GABBR1: variants seen among roughly 807,000 people sequenced by gnomAD.
The protein encoded by GABBR1 is GABA-B receptor, R1 subunit.
A neutral mutation model predicts 117.7 loss-of-function variants in GABBR1; 35 were observed. The observed-to-expected ratio is 0.30, with a 90% CI of 0.23 to 0.39. GABBR1 has a LOEUF of 0.39. Among genes scored for constraint, GABBR1 ranks in the 10% least tolerant of loss-of-function variants. The pLI, the probability that GABBR1 is intolerant of heterozygous loss-of-function variation, is 1.00. For missense variants in GABBR1, 709 were observed against 1,241.8 expected (o/e 0.57, Z 6.45); for synonymous variants, 442 against 486.6 (o/e 0.91, Z 1.21).
At position 29,606,726 on chromosome 6, in the gene GABBR1, T is replaced by C; in HGVS notation, c.2217+171A>G. 1 of 645,662 alleles carries C rather than the reference T, an allele frequency of 1.5e-6. No homozygotes were observed. The highest frequency in any genetic ancestry group is 1.9e-5 in the South Asian group (1 of 51,534). The allele number at this position is 645,662 out of a possible 1,614,324, so 40.0% of individuals were successfully genotyped here. ...CCACCCCTTCCTTTCTTCAGCTGAA[T>C]CTGGAGGCCTATGAGGGGCTCCTTC... is the stretch of plus-strand genomic sequence containing the variant. On this transcript the variant is annotated intron_variant, in intron 18 of 22. Coordinates refer to ENST00000377034, the MANE Select transcript of GABBR1 (RefSeq NM_001470.4). The surrounding 1 kb of genome is among the most constrained non-coding windows in gnomAD (Gnocchi z 4.5).
rs940796653 is a variant in GABBR1, at chr6:29,605,968, G to A, written c.2312-272C>T. ...CAGGCAAGGGCTTGTTGAATATCTA[G>A]AAATAGGCCAGTCTGGGCCACACAT... On this transcript the variant is annotated intron_variant, in intron 19 of 22. Transcript: ENST00000377034. This position sits in a 1 kb window ranked among gnomAD's most constrained non-coding sequence, Gnocchi z 4.2. The A allele has an allele frequency of 3.6e-6, 2 of 560,454 alleles. No individual in the cohort carries two copies. The highest frequency in any genetic ancestry group is 6.4e-6 in the Non-Finnish European group (2 of 314,002). 34.7% of individuals were successfully genotyped at this position (560,454 alleles called of 1,614,324 possible). A position where few individuals can be genotyped will look rare whatever the true frequency, so the allele number is the denominator to read the frequency against.
In GABBR1 at chr6:29,623,876, A is replaced by G. The variant is rs1764007242; in HGVS notation, c.792+14T>C. The G allele has an allele frequency of 1.2e-6, 2 of 1,611,462 alleles. No homozygotes were observed. The highest frequency in any genetic ancestry group is 1.1e-5 in the South Asian group (1 of 90,872). On this transcript the variant is annotated intron_variant, in intron 7 of 22. Transcript: ENST00000377034. This position sits in a 1 kb window ranked among gnomAD's most constrained non-coding sequence, Gnocchi z 6.2. Reference sequence around the variant, plus strand: ...GGAATGACCCCATCTTCTGACCCCCATAGCCCTGCTTACCACAATGAGGTT... The same window carrying G: ...GGAATGACCCCATCTTCTGACCCCCGTAGCCCTGCTTACCACAATGAGGTT...
intron 5 of GABBR1, chr6:29,628,191 AGGGGAGG>A: frequency 5.6e-6 from 1 of 177,884 alleles, no homozygotes; most frequent in Non-Finnish European, 6.3e-6. Flanking sequence ...AGGGGCGGGG[AGGGGAGG>A]GGGGATGCAA....
chr6:29,612,635 A>G (rs1418673564), intron 12 of GABBR1, 21 bp from the exon 13 acceptor site: 5 of 1,608,584 alleles, frequency 3.1e-6, no homozygotes, highest in South Asian at 1.1e-5. Flanking sequence ...GAACATGTGG[A>G]GCAAGGCAAA....
chr6:29,627,457 C>T lies in GABBR1; in HGVS notation c.657+29G>A. ...GGCCCCCTGCCCCGCAAGCCCCCAC[C>T]TCCCACCCACCCCCATGTCCAGGGC... On this transcript the variant is annotated intron_variant, in intron 6 of 22. Coordinates refer to ENST00000377034, the MANE Select transcript of GABBR1 (RefSeq NM_001470.4). The surrounding 1 kb of genome is among the most constrained non-coding windows in gnomAD (Gnocchi z 4.4). The T allele has an allele frequency of 1.5e-6, 2 of 1,307,888 alleles. No individual in the cohort carries two copies. The highest frequency in any genetic ancestry group is 2.1e-6 in the Non-Finnish European group (2 of 931,642). The allele number at this position is 1,307,888 out of a possible 1,614,324, so 81.0% of individuals were successfully genotyped here.
At chr6:29,608,506 A>T in intron 16 of GABBR1, 95 bp downstream of exon 16, 1 of 1,311,572 alleles carries the variant, frequency 7.6e-7, no homozygotes, top group Non-Finnish European at 1.1e-6. Flanking sequence ...GGGAAAGCTG[A>T]GGAGGAAGGG....
At chr6:29,603,878 C>T (rs1012340521) in intron 22 of GABBR1, among the ~76,000 whole-genome samples, 162 bp from the exon 23 acceptor site, 1 of 151,704 alleles carries the variant, frequency 6.6e-6, no homozygotes, top group African/African-American at 2.4e-5. Context: ...AAGGAGAAAT[C>T]AAAACAGAAC....
At chr6:29,608,421 A>G (rs29261) in intron 16 of GABBR1, 180 bp downstream of exon 16, 60,013 of 620,750 alleles carry the variant, frequency 0.097, 3,312 homozygotes, top group Middle Eastern at 0.17. Flanking sequence ...TGGCCTGCAG[A>G]CACAGAAAGA....
rs1411965071 is a variant in GABBR1, at chr6:29,621,817, G to T, written c.1066C>A (p.Arg356Ser). The T allele has an allele frequency of 6.2e-7, 1 of 1,614,012 alleles. No individual in the cohort carries two copies. The highest frequency in any genetic ancestry group is 1.3e-5 in the African/African-American group (1 of 74,904). Residue 356 changes from arginine (R) to serine (S), a missense_variant and splice_region_variant, in exon 10 of 23, where the codon CGC becomes AGC. This residue lies in a region of GABBR1 where 192 missense variants were observed against 418.4 expected (regional missense o/e 0.46). Coordinates refer to ENST00000377034, the MANE Select transcript of GABBR1 (RefSeq NM_001470.4). This position sits in a 1 kb window ranked among gnomAD's most constrained non-coding sequence, Gnocchi z 5.0. ...CCCACGATGATTCGGGCATCCTGGC[G>T]CTACAACAGAGAAAGAAACAGCTCC... ...DPAVPVKNLK[R>S]QDARIIVGLF...
chr6:29,614,469 C>T (rs897926867), intron 11 of GABBR1, among the ~76,000 whole-genome samples: 2 of 152,228 alleles, frequency 1.3e-5, no homozygotes, highest in Non-Finnish European at 2.9e-5. Context: ...CTTTGTTCCT[C>T]ATGCCTTGCT....
chr6:29,626,040 T>A (rs1764233287), intron 6 of GABBR1, among the ~76,000 whole-genome samples: 1 of 152,208 alleles, frequency 6.6e-6, no homozygotes, highest in Non-Finnish European at 1.5e-5. Context: ...AAAATACAGA[T>A]AAATACTTGG....
In GABBR1 at chr6:29,627,624, C is replaced by T. The variant is rs1764430967; in HGVS notation, c.519G>A (p.Gly173=). 1.9e-6 allele frequency: 3 copies of T among 1,561,302 alleles called. No individual in the cohort carries two copies. The highest frequency in any genetic ancestry group is 2.7e-5 in the African/African-American group (2 of 73,632). ...PHSERRAVYI[G]ALFPMSGGWP... is the part of the protein sequence containing the mutation. ...AGCCCCCGCTCATGGGAAACAGTGC[C>T]CCGATGTACACTGCGCGCCGTTCTG... The change falls in exon 6 of 23, where the codon GGG becomes GGA. Residue 173 remains glycine (G), a synonymous_variant. Transcript: ENST00000377034. This position sits in a 1 kb window ranked among gnomAD's most constrained non-coding sequence, Gnocchi z 4.4.
At position 29,622,852 on chromosome 6, in the gene GABBR1, C is replaced by CCT. The variant is rs141467090; in HGVS notation, c.963+451_963+452dup. ...GCCCCTCTCTCTCCTCTCCCTCATT[C>CCT]CTCTCTCTCTCTCTCTTTCCTCTCC... On this transcript the variant is annotated intron_variant, in intron 8 of 22. Coordinates refer to ENST00000377034, the MANE Select transcript of GABBR1 (RefSeq NM_001470.4). The surrounding 1 kb of genome is among the most constrained non-coding windows in gnomAD (Gnocchi z 4.6). Among the ~76,000 whole-genome samples the CCT allele has an allele frequency of 6.7e-5, 10 of 150,212 alleles. No individual in the cohort carries two copies. In the East Asian group the frequency reaches 9.7e-4, roughly 15 times the overall value.
rs775122161 is a variant in GABBR1 at position 29,613,457 on chromosome 6, G to A, written c.1352C>T (p.Thr451Ile). The A allele has an allele frequency of 6.2e-7, 1 of 1,612,970 alleles. No homozygotes were observed. Among genetic ancestry groups the A allele is most frequent in the South Asian group, 1.1e-5 (1 of 91,086 alleles). The change falls in exon 12 of 23, where the codon ACC (threonine) becomes ATC (isoleucine). Residue 451 changes from threonine (T) to isoleucine (I), a missense_variant. Physicochemically the swap from Thr to Ile is moderately conservative, Grantham distance 89. Around this residue, in one of 9 missense-constraint regions of GABBR1, gnomAD observed 192 missense variants for 418.4 expected, o/e 0.46. Transcript: ENST00000377034. The surrounding 1 kb of genome is among the most constrained non-coding windows in gnomAD (Gnocchi z 4.1). Reference sequence around the variant, plus strand: ...CTCAGGGTGTCTTTTCAGTCGCTTGGTTAGTTTCTCCACAAATTCCTGGGA... The same window carrying A: ...CTCAGGGTGTCTTTTCAGTCGCTTGATTAGTTTCTCCACAAATTCCTGGGA... ...MTSQEFVEKL[T>I]KRLKRHPEET...
chr6:29,630,356 A>G lies in GABBR1; in HGVS notation c.475+102T>C. 1 of 1,112,542 alleles carries G rather than the reference A, an allele frequency of 9.0e-7. No individual in the cohort carries two copies. The highest frequency in any genetic ancestry group is 1.3e-6 in the Non-Finnish European group (1 of 766,050). 68.9% of individuals were successfully genotyped at this position (1,112,542 alleles called of 1,614,324 possible). On this transcript the variant is annotated intron_variant, in intron 4 of 22. Coordinates refer to ENST00000377034, the MANE Select transcript of GABBR1 (RefSeq NM_001470.4). This position sits in a 1 kb window ranked among gnomAD's most constrained non-coding sequence, Gnocchi z 4.9. The stretch of plus-strand genomic sequence containing the variant: ...TCCCCTTTCCAGTGTCCTCCCCCAC[A>G]TTTTTATAGCTCTCCATTCTTTCCC...
Position 29,627,904 on chromosome 6 carries a change from T to G in GABBR1, c.497-258A>C. Reference sequence around the variant, plus strand: ...GGAGGCGCCTCCATCCCTGATTTTGTGGGGAGGAGGGGGCGAGGGCCCCGG... The same window carrying G: ...GGAGGCGCCTCCATCCCTGATTTTGGGGGGAGGAGGGGGCGAGGGCCCCGG... On this transcript the variant is annotated intron_variant, in intron 5 of 22. Transcript: ENST00000377034. The surrounding 1 kb of genome is among the most constrained non-coding windows in gnomAD (Gnocchi z 4.4). The G allele has an allele frequency of 7.4e-7, 1 of 1,353,142 alleles. No individual in the cohort carries two copies. The highest frequency in any genetic ancestry group is 9.4e-7 in the Non-Finnish European group (1 of 1,061,376). 83.8% of individuals were successfully genotyped at this position (1,353,142 alleles called of 1,614,324 possible). A position where few individuals can be genotyped will look rare whatever the true frequency, so the allele number is the denominator to read the frequency against.
chr6:29,629,158 C>T (rs915803496), intron 4 of GABBR1, 51 bp from the exon 5 acceptor site: 1 of 1,606,574 alleles, frequency 6.2e-7, no homozygotes, highest in Non-Finnish European at 8.5e-7. Flanking sequence ...TGGCGCCCAG[C>T]TTCCCTGGCC....
chr6:29,619,202 A>G lies in GABBR1; in HGVS notation c.1323+1899T>C, dbSNP rs147252315. Among the ~76,000 whole-genome samples, 738 of 152,336 alleles carry G rather than the reference A, an allele frequency of 4.8e-3. 5 individuals are homozygous for G. The highest frequency in any genetic ancestry group is 0.014 in the Middle Eastern group (4 of 294). On this transcript the variant is annotated intron_variant, in intron 11 of 22. Coordinates refer to ENST00000377034, the MANE Select transcript of GABBR1 (RefSeq NM_001470.4). The stretch of plus-strand genomic sequence containing the variant: ...AACATAAGGCCATCCTTAGGGAATA[A>G]AAGCAACTCTGCTTCTTTTCTAAGT...
Position 29,603,341 on chromosome 6 carries a change from AAG to A in GABBR1, c.*200_*201del, listed in dbSNP as rs770647251. On this transcript the variant is annotated 3_prime_UTR_variant, in exon 23 of 23. Transcript: ENST00000377034. ...GTGATACAAAATTACATGAAGCAGT[AAG>A]AGAGAAAAAGGTCTGTTTCCCAGAG... 1 of 705,836 alleles carries A rather than the reference AAG, an allele frequency of 1.4e-6. No individual in the cohort carries two copies. The highest frequency in any genetic ancestry group is 1.5e-5 in the South Asian group (1 of 66,742). 43.7% of individuals were successfully genotyped at this position (705,836 alleles called of 1,614,324 possible). A position where few individuals can be genotyped will look rare whatever the true frequency, so the allele number is the denominator to read the frequency against.
Sources: allele counts gnomAD v4.1 joint callset (sites outside exome capture counted in the v4.1 genomes callset), GRCh38; gene constraint gnomAD v4.1.1; regional missense constraint gnomAD v4.1.1; non-coding constraint Gnocchi (gnomAD v3.1); transcripts MANE v1.5; gene names NCBI Gene and HGNC (gene_info 2026-07-23, HGNC 2026-07-21).